The following PCDHGA5 variants were observed in gnomAD, a reference collection of about 807,000 sequenced individuals.
The protein encoded by PCDHGA5 is protocadherin gamma subfamily A, 5.
A neutral mutation model predicts 56.7 loss-of-function variants in PCDHGA5; 36 were observed. That is an observed-to-expected ratio of 0.64 (90% CI 0.49 to 0.84). The LOEUF is 0.84. PCDHGA5 is among the 40% of genes least tolerant of loss of function. The probability of loss-of-function intolerance (pLI) is 0.00; values close to 1 mark genes in which losing one functional copy is unlikely to be tolerated. For synonymous variants in PCDHGA5, 563 were observed against 520.2 expected (o/e 1.08, Z -1.12); for missense variants, 1,305 against 1,201.5 (o/e 1.09, Z -1.27).
intron 1 of PCDHGA5, chr5:141,416,429 G>A (rs952059043): frequency 1.3e-5 from 2 of 152,144 alleles, no homozygotes; most frequent in African/African-American, 4.8e-5. Flanking sequence ...AGTGACTAAG[G>A]CTGAAAGTAA....
chr5:141,505,596 T>G (rs2099846990), intron 3 of PCDHGA5, 115 bp downstream of exon 3: 1 of 1,562,168 alleles, frequency 6.4e-7, no homozygotes, highest in African/African-American at 1.4e-5. Context: ...CTCCAGATCT[T>G]TCGGCAGGTC....
chr5:141,451,597 C>A (rs2098719892), intron 1 of PCDHGA5, among the ~76,000 whole-genome samples: 1 of 152,076 alleles, frequency 6.6e-6, no homozygotes, highest in Admixed American at 6.6e-5. Context: ...AAGTGACATA[C>A]AAGGCTAGGC....
chr5:141,410,661 A>G, intron 1 of PCDHGA5: 1 of 1,572,394 alleles, frequency 6.4e-7, no homozygotes, highest in Non-Finnish European at 8.6e-7. Context: ...CTAATAGTCT[A>G]CTAGTTTCTC....
chr5:141,504,941 T>G (rs2099842166), intron 2 of PCDHGA5, among the ~76,000 whole-genome samples: 1 of 152,046 alleles, frequency 6.6e-6, no homozygotes, highest in East Asian at 1.9e-4. Flanking sequence ...GGTGGGGGAA[T>G]GCACTATGTT....
At chr5:141,422,747 C>T (rs1381295469) in intron 1 of PCDHGA5, 2 of 1,611,224 alleles carry the variant, frequency 1.2e-6, no homozygotes, top group Non-Finnish European at 1.7e-6. Context: ...TCCTATGTCT[C>T]TATTAACTCC....
intron 1 of PCDHGA5, among the ~76,000 whole-genome samples, chr5:141,461,231 T>C (rs1042368465): frequency 6.6e-5 from 10 of 152,068 alleles, no homozygotes; most frequent in African/African-American, 2.4e-4. Context: ...TCCATAGAGG[T>C]TGTACTAATT....
chr5:141,387,037 A>G (rs2090794833), intron 1 of PCDHGA5, among the ~76,000 whole-genome samples: 1 of 152,258 alleles, frequency 6.6e-6, no homozygotes, highest in Non-Finnish European at 1.5e-5. Flanking sequence ...TTTCATAACC[A>G]GTAAAATAAT....
Position 141,487,552 on chromosome 5 carries a change from A to C in PCDHGA5, c.2422-7255A>C. On this transcript the variant is annotated intron_variant, in intron 1 of 3. Coordinates refer to ENST00000518069, the MANE Select transcript of PCDHGA5 (RefSeq NM_018918.3). The surrounding 1 kb of genome is among the most constrained non-coding windows in gnomAD (Gnocchi z 5.0). ...TCATGATGGTGAAGTCACCCAGTGC[A>C]CCTATGGCAGGGGAGCCTGTTCGCC... is the stretch of plus-strand genomic sequence containing the variant. 2 of 1,614,116 alleles carry C rather than the reference A, an allele frequency of 1.2e-6. No homozygotes were observed. The highest frequency in any genetic ancestry group is 1.7e-6 in the Non-Finnish European group (2 of 1,180,024).
At chr5:141,390,526 T>A (rs1405081511) in intron 1 of PCDHGA5, 1 of 548,156 alleles carries the variant, frequency 1.8e-6, no homozygotes, top group African/African-American at 1.9e-5. Flanking sequence ...AATGAGGGTG[T>A]GGTTTTAACC....
chr5:141,476,687 A>G lies in PCDHGA5; in HGVS notation c.2422-18120A>G. 1 of 1,614,212 alleles carries G rather than the reference A, an allele frequency of 6.2e-7. No individual in the cohort carries two copies. Among genetic ancestry groups the G allele is most frequent in the Non-Finnish European group, 8.5e-7 (1 of 1,180,044 alleles). On this transcript the variant is annotated intron_variant, in intron 1 of 3. Transcript: ENST00000518069. This position sits in a 1 kb window ranked among gnomAD's most constrained non-coding sequence, Gnocchi z 7.6. ...TCGCGTGCAGACGCGGGAGGACAGC[A>G]CCAAGTACGCGGAGCTGGTGTTGGA... is the stretch of plus-strand genomic sequence containing the variant.
chr5:141,427,434 A>G (rs2097026509), intron 1 of PCDHGA5: 1 of 473,650 alleles, frequency 2.1e-6, no homozygotes, highest in African/African-American at 2.0e-5. Context: ...TACATGCCTC[A>G]TAAACGAAAG....
At chr5:141,387,602 G>A in intron 1 of PCDHGA5, 3 of 545,116 alleles carry the variant, frequency 5.5e-6, no homozygotes, top group Middle Eastern at 9.5e-4. Context: ...AGCAGCAGAG[G>A]CTGTAGTTTC....
chr5:141,375,123 T>C, intron 1 of PCDHGA5: 2 of 1,613,914 alleles, frequency 1.2e-6, no homozygotes. Context: ...GTACCAGAAG[T>C]GGTTGTTACA....
intron 1 of PCDHGA5, among the ~76,000 whole-genome samples, chr5:141,442,700 TA>T (rs2098337605): frequency 6.6e-6 from 1 of 152,198 alleles, no homozygotes; most frequent in Non-Finnish European, 1.5e-5. Flanking sequence ...CAGACAAGAG[TA>T]TCAGACATGC....
At position 141,375,817 on chromosome 5, in the gene PCDHGA5, G is replaced by T. The variant is rs376557886; in HGVS notation, c.2421+9066G>T. 8 of 1,614,164 alleles carry T rather than the reference G, an allele frequency of 5.0e-6. No homozygotes were observed. In the African/African-American group the frequency reaches 9.3e-5, roughly 19 times the overall value. ...ACGGTTCCACTGGCGTGGAGCTGGC[G>T]CCCCGCTCCGCAGAGCCCGGCTACC... On this transcript the variant is annotated intron_variant, in intron 1 of 3. Coordinates refer to ENST00000518069, the MANE Select transcript of PCDHGA5 (RefSeq NM_018918.3).
rs115990854 is a variant in PCDHGA5 at position 141,433,033 on chromosome 5, C to T, written c.2422-61774C>T. On this transcript the variant is annotated intron_variant, in intron 1 of 3. Coordinates refer to ENST00000518069, the MANE Select transcript of PCDHGA5 (RefSeq NM_018918.3). ...TGCAGACCTATTCCCACGAGGTTTC[C>T]CTCACCACGGACTCGCGGAAGAGTC... The T allele has an allele frequency of 6.4e-3, 10,342 of 1,614,162 alleles. 43 individuals are homozygous for T. The highest frequency in any genetic ancestry group is 8.6e-3 in the Middle Eastern group (52 of 6,062).
chr5:141,380,974 A>G (rs1008958709), intron 1 of PCDHGA5, among the ~76,000 whole-genome samples: 1 of 152,262 alleles, frequency 6.6e-6, no homozygotes, highest in Non-Finnish European at 1.5e-5. Flanking sequence ...TATTAAACAA[A>G]TAGAATTTAA....
At chr5:141,466,929 T>C (rs2099132302) in intron 1 of PCDHGA5, among the ~76,000 whole-genome samples, 1 of 152,232 alleles carries the variant, frequency 6.6e-6, no homozygotes, top group African/African-American at 2.4e-5. Context: ...TTAGGAATAT[T>C]AGTCCTTTGT....
At chr5:141,459,375 C>T (rs973503237) in intron 1 of PCDHGA5, among the ~76,000 whole-genome samples, 2 of 152,194 alleles carry the variant, frequency 1.3e-5, no homozygotes, top group African/African-American at 4.8e-5. Flanking sequence ...GTATCAGCAG[C>T]GTGTTCCATT....
Sources: gnomAD v4.1 joint callset for allele counts (sites outside exome capture counted in the v4.1 genomes callset) on GRCh38, gnomAD v4.1.1 for gene constraint, Gnocchi (gnomAD v3.1) non-coding constraint, MANE v1.5 for transcripts, NCBI Gene and HGNC (gene_info 2026-07-23, HGNC 2026-07-21) for gene names.